The following VPS8 variants were observed in gnomAD, a reference collection of about 807,000 sequenced individuals.
VPS8 encodes the protein VPS8 subunit of CORVET complex.
In VPS8, 129 loss-of-function variants were observed where a neutral mutation model predicts 216.4. That is an observed-to-expected ratio of 0.60 (90% confidence interval 0.52 to 0.69). The LOEUF (loss-of-function observed/expected upper bound fraction) is 0.69. VPS8 is among the 30% of genes least tolerant of loss of function. The probability of loss-of-function intolerance (pLI) is 0.00; values close to 1 mark genes in which losing one functional copy is unlikely to be tolerated. For missense variants in VPS8, 1,531 were observed against 1,683.5 expected, an observed-to-expected ratio of 0.91 and a Z score of 1.59; for synonymous variants, 571 against 565.4, an observed-to-expected ratio of 1.01 and a Z score of -0.14.
chr3:184,822,448 T>G (rs993100127), intron 1 of VPS8, among the ~76,000 whole-genome samples: 2 of 152,152 alleles, frequency 1.3e-5, no homozygotes, highest in Admixed American at 6.5e-5. Context: ...ACTCCAGATA[T>G]GAGATAAAAA....
At position 184,839,688 on chromosome 3, in the gene VPS8, T is replaced by G. The variant is rs1273859136; in HGVS notation, c.481-10T>G. 6.3e-7 allele frequency: 1 copy of G among 1,599,730 alleles called. No homozygotes were observed. Among genetic ancestry groups the G allele is most frequent in the African/African-American group, 1.3e-5 (1 of 74,764 alleles). On this transcript the variant is annotated splice_polypyrimidine_tract_variant and intron_variant, in intron 6 of 47. Transcript: ENST00000625842. ...ATGTCTTAAAACGTAATCTTCCCTT[T>G]TGTTTTCAGGCAGTATCCAGTCTGA...
At chr3:184,988,455 T>A (rs1220205584) in intron 42 of VPS8, among the ~76,000 whole-genome samples, 3 of 152,224 alleles carry the variant, frequency 2.0e-5, no homozygotes, top group African/African-American at 7.2e-5. Context: ...GAATTGCCTT[T>A]GCTTAGTTTA....
intron 46 of VPS8, among the ~76,000 whole-genome samples, chr3:185,038,617 T>C (rs1238418754): frequency 6.6e-6 from 1 of 152,194 alleles, no homozygotes; most frequent in African/African-American, 2.4e-5. Flanking sequence ...TATATTCAGT[T>C]GCAAGTGAAG....
At chr3:185,009,343 A>G (rs1056859573) in intron 45 of VPS8, among the ~76,000 whole-genome samples, 1 of 149,356 alleles carries the variant, frequency 6.7e-6, no homozygotes, top group Admixed American at 6.7e-5. Context: ...ATACAATACC[A>G]TTTTTTTTAC....
chr3:184,998,043 T>TG, intron 44 of VPS8, among the ~76,000 whole-genome samples: 1 of 152,018 alleles, frequency 6.6e-6, no homozygotes, highest in South Asian at 2.1e-4. Context: ...GAGTAGTGAG[T>TG]GAGGAGGCTA....
chr3:184,983,882 C>CT (rs1409812653), intron 42 of VPS8, among the ~76,000 whole-genome samples: 2 of 149,790 alleles, frequency 1.3e-5, no homozygotes, highest in Non-Finnish European at 3.0e-5. Context: ...CCTGTCAGCT[C>CT]TTTTAAGACT....
At chr3:184,890,208 C>T (rs1414818229) in intron 22 of VPS8, among the ~76,000 whole-genome samples, 11 of 152,176 alleles carry the variant, frequency 7.2e-5, no homozygotes, top group Admixed American at 7.2e-4. Context: ...AAGGTCTTCT[C>T]TTCTGCATTT....
In VPS8 at chr3:184,960,431, C is replaced by T. The variant is rs557747954; in HGVS notation, c.3183+2910C>T. Among the ~76,000 whole-genome samples, 9 of 152,140 alleles carry T rather than the reference C, an allele frequency of 5.9e-5. No homozygotes were observed. In the South Asian group the frequency reaches 1.5e-3, roughly 25 times the overall value. ...AAAGGCATAGTTGTCAAGGATATTTCGTTATTTTCTGTGGCCTACAACAGT... is the reference window on the plus strand; with the variant it reads ...AAAGGCATAGTTGTCAAGGATATTTTGTTATTTTCTGTGGCCTACAACAGT... On this transcript the variant is annotated intron_variant, in intron 37 of 47. Transcript: ENST00000625842.
At chr3:185,029,402 G>A (rs573899637) in intron 46 of VPS8, among the ~76,000 whole-genome samples, 1 of 152,278 alleles carries the variant, frequency 6.6e-6, no homozygotes, top group South Asian at 2.1e-4. Flanking sequence ...GCCCTGCCAA[G>A]AGCTGGATTC....
intron 18 of VPS8, among the ~76,000 whole-genome samples, 152 bp from the exon 19 acceptor site, chr3:184,868,794 T>C (rs1356320827): frequency 6.6e-6 from 1 of 152,220 alleles, no homozygotes; most frequent in Non-Finnish European, 1.5e-5. Context: ...CTTGAAGATA[T>C]TATTTTTCTT....
intron 1 of VPS8, among the ~76,000 whole-genome samples, chr3:184,815,016 G>T (rs886231603): frequency 6.6e-6 from 1 of 151,698 alleles, no homozygotes; most frequent in South Asian, 2.1e-4. Context: ...CTTTAAAAAC[G>T]AAGACGCAAA....
intron 25 of VPS8, among the ~76,000 whole-genome samples, chr3:184,903,846 ACT>A (rs148755318): frequency 0.018 from 2,789 of 152,260 alleles, 95 homozygotes; most frequent in African/African-American, 0.064. Context: ...CAATTTTATT[ACT>A]GTCTTAATAT....
chr3:184,836,430 A>T (rs376549104), intron 5 of VPS8: 9 of 398,088 alleles, frequency 2.3e-5, no homozygotes, highest in African/African-American at 1.5e-4. Context: ...ATGGAGACTG[A>T]GCTAAAACTC....
intron 14 of VPS8, among the ~76,000 whole-genome samples, chr3:184,857,124 C>T (rs1219308537): frequency 1.3e-5 from 2 of 152,194 alleles, no homozygotes; most frequent in African/African-American, 2.4e-5. Context: ...TTTCCAGCCA[C>T]TAGGACAGTG....
intron 28 of VPS8, chr3:184,919,032 A>C (rs1738131301): frequency 6.6e-6 from 1 of 152,206 alleles, no homozygotes; most frequent in Non-Finnish European, 1.5e-5. Context: ...TTGAAAAAAA[A>C]AGTTGAGAAT....
At chr3:185,021,589 CT>C (rs1469936279) in intron 45 of VPS8, among the ~76,000 whole-genome samples, 2 of 152,198 alleles carry the variant, frequency 1.3e-5, no homozygotes, top group Non-Finnish European at 1.5e-5. Flanking sequence ...CATCATACAT[CT>C]GGAGTGAATT....
rs1335819282 is a variant in VPS8 at position 184,921,483 on chromosome 3, A to AAGGCCCCT, written c.2454+1286_2454+1293dup. 2.6e-5 allele frequency among the ~76,000 whole-genome samples: 4 copies of AAGGCCCCT among 152,328 alleles called. No individual in the cohort carries two copies. The East Asian group carries it at 7.7e-4, about 29-fold the overall frequency. On this transcript the variant is annotated intron_variant, in intron 29 of 47. Coordinates refer to ENST00000625842, the MANE Select transcript of VPS8 (RefSeq NM_001009921.3). Reference sequence around the variant, plus strand: ...TAATACAATTCTGCTTACACCGTGTAAGGCCCCTTGGTTGGTGGGGGAGAT... The same window carrying AAGGCCCCT: ...TAATACAATTCTGCTTACACCGTGTAAGGCCCCTAGGCCCCTTGGTTGGTGGGGGAGAT...
intron 21 of VPS8, 141 bp downstream of exon 21, chr3:184,870,946 A>G (rs1728230182): frequency 1.4e-6 from 1 of 698,362 alleles, no homozygotes; most frequent in Non-Finnish European, 2.4e-6. Flanking sequence ...CTTGTAGAAC[A>G]TTCTAAATGA....
chr3:185,018,479 C>T (rs931306304), intron 45 of VPS8, among the ~76,000 whole-genome samples: 1 of 152,212 alleles, frequency 6.6e-6, no homozygotes, highest in African/African-American at 2.4e-5. Flanking sequence ...AAAAGTTGGT[C>T]TGCAGTTACA....
Sources: gnomAD v4.1 joint callset for allele counts (sites outside exome capture counted in the v4.1 genomes callset) on GRCh38, gnomAD v4.1.1 for gene constraint, MANE v1.5 for transcripts, NCBI Gene and HGNC (gene_info 2026-07-23, HGNC 2026-07-21) for gene names.